SLC22A7: variants seen among roughly 807,000 people sequenced by gnomAD.
SLC22A7 encodes solute carrier family 22 member 7, also known as hOAT2.
Under a neutral mutation model 62.2 loss-of-function variants are expected in SLC22A7, and 48 were observed. The ratio of observed to expected loss-of-function variants is 0.77; its 90% CI spans 0.61 to 0.98. SLC22A7 has a LOEUF of 0.98. SLC22A7 is among the 50% of genes least tolerant of loss of function. The pLI, the probability that SLC22A7 is intolerant of heterozygous loss-of-function variation, is 0.00. For synonymous variants in SLC22A7, 276 were observed against 314.8 expected, an observed-to-expected ratio of 0.88 and a Z score of 1.30; for missense variants, 581 against 703.8, an observed-to-expected ratio of 0.83 and a Z score of 1.97.
chr6:43,301,493 GGAATA>G (rs1368298430), intron 6 of SLC22A7, 85 bp from the exon 7 acceptor site: 24 of 1,118,660 alleles, frequency 2.1e-5, no homozygotes, highest in Non-Finnish European at 2.5e-5. Context: ...GCAGATGGGA[GGAATA>G]GAGAGGGGTG....
intron 9 of SLC22A7, chr6:43,303,121 T>C (rs1225319376): frequency 1.0e-6 from 1 of 985,440 alleles, no homozygotes; most frequent in Non-Finnish European, 1.2e-6. Flanking sequence ...TTCTGTACTA[T>C]GTGACCCTGA....
Position 43,298,739 on chromosome 6 carries a change from C to A in SLC22A7, c.381C>A (p.Thr127=). 2 of 1,519,940 alleles carry A rather than the reference C, an allele frequency of 1.3e-6. No homozygotes were observed. Among genetic ancestry groups the A allele is most frequent in the South Asian group, 2.7e-5 (2 of 75,226 alleles). 94.2% of individuals were successfully genotyped at this position (1,519,940 alleles called of 1,614,324 possible). A position where few individuals can be genotyped will look rare whatever the true frequency, so the allele number is the denominator to read the frequency against. The change falls in exon 1 of 11, where the codon ACC becomes ACA. Residue 127 remains threonine, a synonymous_variant. Transcript: ENST00000372585. ...ACGACCACTCAGAATTCTCCTCTAC[C>A]ATTGCAACTGAGGTACTTAAGCCCA... ...WEYDHSEFSS[T]IATESQWDLV...
At chr6:43,303,521 A>G (rs965693294) in intron 9 of SLC22A7, among the ~76,000 whole-genome samples, 2 of 152,026 alleles carry the variant, frequency 1.3e-5, no homozygotes, top group African/African-American at 4.8e-5. Context: ...AACAGCCCCA[A>G]GAAGCCCCAT....
At chr6:43,300,436 C>T (rs1046602863) in intron 5 of SLC22A7, among the ~76,000 whole-genome samples, 2 of 152,044 alleles carry the variant, frequency 1.3e-5, no homozygotes, top group Admixed American at 6.6e-5. Context: ...CTAAAGATGA[C>T]TTGGCCTTGG....
At chr6:43,295,806 A>G (rs1778557361), upstream of SLC22A7, 1 of 152,272 alleles carries the variant, frequency 6.6e-6, no homozygotes, top group Admixed American at 6.5e-5. Flanking sequence ...CAATGACATC[A>G]GAGAAGAGAG....
At position 43,302,204 on chromosome 6, in the gene SLC22A7, G is replaced by C. The variant is rs1205738663; in HGVS notation, c.1066G>C (p.Gly356Arg). 6.4e-7 allele frequency: 1 copy of C among 1,574,520 alleles called. No homozygotes were observed. Among genetic ancestry groups the C allele is most frequent in the Non-Finnish European group, 8.7e-7 (1 of 1,155,136 alleles). The stretch of plus-strand genomic sequence containing the variant: ...TGGCACTGAGACTCCTTTCAGGTTC[G>C]GAGTGAACTTCTCCTATTACGGCCT... ...ISLCCVVVWF[G>R]VNFSYYGLSL... The change falls in exon 8 of 11, where the codon GGA becomes CGA. Residue 356 changes from glycine (G) to arginine (R), a missense_variant. Gly to Arg is a moderately radical substitution (Grantham distance 125). Transcript: ENST00000372585. This position sits in a 1 kb window ranked among gnomAD's most constrained non-coding sequence, Gnocchi z 5.0.
In SLC22A7 at chr6:43,299,555, G is replaced by T. The variant is rs1475247257; in HGVS notation, c.503+62G>T. On this transcript the variant is annotated intron_variant, in intron 3 of 10. Transcript: ENST00000372585. This position sits in a 1 kb window ranked among gnomAD's most constrained non-coding sequence, Gnocchi z 4.4. ...GGGGAACTTTCTCCCACTAGCTGGG[G>T]TATGAGCCTAGTCTACCTATGCCTT... The T allele has an allele frequency of 9.3e-6, 15 of 1,608,786 alleles. No homozygotes were observed. The highest frequency in any genetic ancestry group is 4.5e-5 in the East Asian group (2 of 44,810).
chr6:43,300,746 T>A (rs532550389), intron 5 of SLC22A7, among the ~76,000 whole-genome samples: 1 of 152,330 alleles, frequency 6.6e-6, no homozygotes, highest in South Asian at 2.1e-4. Flanking sequence ...TTCTCCTGCA[T>A]TAGCCTCCTG....
In SLC22A7 at chr6:43,305,410, C is replaced by T. The variant is rs1414474177; in HGVS notation, c.*685C>T. The T allele has an allele frequency of 7.0e-6, 2 of 286,562 alleles. No homozygotes were observed. Among genetic ancestry groups the T allele is most frequent in the East Asian group, 1.2e-4 (1 of 8,652 alleles). The allele number at this position is 286,562 out of a possible 1,614,324, so 17.8% of individuals were successfully genotyped here. ...CCCTGCAGGGCAATGCATGTCATCC[C>T]AACCCCCACACTCCCCATCCTCCAA... On this transcript the variant is annotated 3_prime_UTR_variant, in exon 11 of 11. Coordinates refer to ENST00000372585, the MANE Select transcript of SLC22A7 (RefSeq NM_153320.2).
In SLC22A7 at chr6:43,298,480, T is replaced by C. The variant is rs745802481; in HGVS notation, c.122T>C (p.Leu41Pro). The C allele has an allele frequency of 1.2e-6, 2 of 1,613,702 alleles. No individual in the cohort carries two copies. Among genetic ancestry groups the C allele is most frequent in the Non-Finnish European group, 1.7e-6 (2 of 1,180,024 alleles). Reference sequence around the variant, plus strand: ...CTGCACTTCCTCCTGCCCATCTTCCTGGCTGCCGTGCCTGCCCACCGATGT... The same window carrying C: ...CTGCACTTCCTCCTGCCCATCTTCCCGGCTGCCGTGCCTGCCCACCGATGT... ...LPLHFLLPIF[L>P]AAVPAHRCAL... The change falls in exon 1 of 11, where the codon CTG becomes CCG. Residue 41 changes from leucine to proline, a missense_variant. Physicochemically the swap from Leu to Pro is moderately conservative, Grantham distance 98. Transcript: ENST00000372585.
chr6:43,301,489 G>A, intron 6 of SLC22A7, 94 bp from the exon 7 acceptor site: 1 of 1,104,630 alleles, frequency 9.1e-7, no homozygotes, highest in Non-Finnish European at 1.4e-6. Context: ...CACTGCAGAT[G>A]GGAGGAATAG....
rs70953692 is a variant in SLC22A7 at position 43,303,873 on chromosome 6, C to T, written c.1386-165C>T. On this transcript the variant is annotated intron_variant, in intron 9 of 10. Transcript: ENST00000372585. ...TGGGTGCTGGCTTGAGGTCTCCTGG[C>T]CTGAAGGTGGGTGGGAAGACCAACT... Among the ~76,000 whole-genome samples, 10 of 152,252 alleles carry T rather than the reference C, an allele frequency of 6.6e-5. No individual in the cohort carries two copies. In the East Asian group the frequency reaches 1.9e-3, roughly 29 times the overall value.
chr6:43,302,845 C>A lies in SLC22A7; in HGVS notation c.1385+82C>A. The A allele has an allele frequency of 3.4e-6, 3 of 881,364 alleles. No homozygotes were observed. The highest frequency in any genetic ancestry group is 5.4e-6 in the Non-Finnish European group (3 of 558,688). 54.6% of individuals were successfully genotyped at this position (881,364 alleles called of 1,614,324 possible). A position where few individuals can be genotyped will look rare whatever the true frequency, so the allele number is the denominator to read the frequency against. On this transcript the variant is annotated intron_variant, in intron 9 of 10. Coordinates refer to ENST00000372585, the MANE Select transcript of SLC22A7 (RefSeq NM_153320.2). The surrounding 1 kb of genome is among the most constrained non-coding windows in gnomAD (Gnocchi z 5.0). ...CCAACACTTCTACATACACGCACCA[C>A]AACCTGGTCTCTCACTCATTTTTTT...
At position 43,302,916 on chromosome 6, in the gene SLC22A7, A is replaced by G. The variant is rs947656473; in HGVS notation, c.1385+153A>G. The G allele has an allele frequency of 1.6e-5, 11 of 671,412 alleles. No homozygotes were observed. The highest frequency in any genetic ancestry group is 7.4e-6 in the Non-Finnish European group (3 of 406,840). 41.6% of individuals were successfully genotyped at this position (671,412 alleles called of 1,614,324 possible). A position where few individuals can be genotyped will look rare whatever the true frequency, so the allele number is the denominator to read the frequency against. On this transcript the variant is annotated intron_variant, in intron 9 of 10. Coordinates refer to ENST00000372585, the MANE Select transcript of SLC22A7 (RefSeq NM_153320.2). The surrounding 1 kb of genome is among the most constrained non-coding windows in gnomAD (Gnocchi z 5.0). Reference sequence around the variant, plus strand: ...GAGACGGGGTCTTGCTATATTACCCAGACTGGTCTCAAACTCCTGGTCTCA... The same window carrying G: ...GAGACGGGGTCTTGCTATATTACCCGGACTGGTCTCAAACTCCTGGTCTCA...
Position 43,302,717 on chromosome 6 carries a change from A to G in SLC22A7, c.1339A>G (p.Thr447Ala), listed in dbSNP as rs757262219. ...MGKAFSEAAF[T>A]TAYLFTSELY... ...GAAAGCTTTTTCTGAAGCTGCCTTC[A>G]CCACTGCCTACCTGTTCACTTCAGA... Residue 447 changes from threonine (T) to alanine (A), a missense_variant, in exon 9 of 11, where the codon ACC becomes GCC. Physicochemically the swap from Thr to Ala is moderately conservative, Grantham distance 58 (BLOSUM62 0). Transcript: ENST00000372585. The surrounding 1 kb of genome is among the most constrained non-coding windows in gnomAD (Gnocchi z 5.0). 6.2e-7 allele frequency: 1 copy of G among 1,610,088 alleles called. No homozygotes were observed. The highest frequency in any genetic ancestry group is 8.5e-7 in the Non-Finnish European group (1 of 1,177,806).
upstream of SLC22A7, among the ~76,000 whole-genome samples, chr6:43,297,699 G>T (rs1778591527): frequency 6.6e-6 from 1 of 152,216 alleles, no homozygotes; most frequent in African/African-American, 2.4e-5. Context: ...GAGTCCCTGA[G>T]TGAAGTGGGA....
chr6:43,304,278 A>T, intron 10 of SLC22A7, 34 bp downstream of exon 10: 1 of 1,451,572 alleles, frequency 6.9e-7, no homozygotes, highest in Non-Finnish European at 9.1e-7. Context: ...TGTACGTGTG[A>T]TAACATGCAT....
chr6:43,299,567 T>A lies in SLC22A7; in HGVS notation c.504-60T>A. 1 of 1,611,610 alleles carries A rather than the reference T, an allele frequency of 6.2e-7. No individual in the cohort carries two copies. Among genetic ancestry groups the A allele is most frequent in the South Asian group, 1.1e-5 (1 of 90,986 alleles). On this transcript the variant is annotated intron_variant, in intron 3 of 10. Transcript: ENST00000372585. The surrounding 1 kb of genome is among the most constrained non-coding windows in gnomAD (Gnocchi z 4.4). ...CCCACTAGCTGGGGTATGAGCCTAG[T>A]CTACCTATGCCTTAGAACCTCCTTC...
rs374401587 is a variant in SLC22A7, at chr6:43,302,642, C to T, written c.1277-13C>T. 26 of 1,581,436 alleles carry T rather than the reference C, an allele frequency of 1.6e-5. No homozygotes were observed. Among genetic ancestry groups the T allele is most frequent in the South Asian group, 5.7e-5 (5 of 88,094 alleles). On this transcript the variant is annotated splice_polypyrimidine_tract_variant and intron_variant, in intron 8 of 10. Coordinates refer to ENST00000372585, the MANE Select transcript of SLC22A7 (RefSeq NM_153320.2). The surrounding 1 kb of genome is among the most constrained non-coding windows in gnomAD (Gnocchi z 5.0). Reference sequence around the variant, plus strand: ...CCAAGGCCCTCTCACTACCTGAACCCGCTTCCCTCCAGATATGAAGTCCTG... The same window carrying T: ...CCAAGGCCCTCTCACTACCTGAACCTGCTTCCCTCCAGATATGAAGTCCTG...
Sources: allele counts gnomAD v4.1 joint callset (sites outside exome capture counted in the v4.1 genomes callset), GRCh38; gene constraint gnomAD v4.1.1; non-coding constraint Gnocchi (gnomAD v3.1); transcripts MANE v1.5; gene names NCBI Gene and HGNC (gene_info 2026-07-23, HGNC 2026-07-21).